PLAGL1: variants seen among roughly 807,000 people sequenced by gnomAD.
PLAGL1 encodes the protein PLAG1 like zinc finger 1.
Under a neutral mutation model 4.6 loss-of-function variants are expected in PLAGL1, and 1 was observed. That is an observed-to-expected ratio of 0.22 (90% CI 0.08 to 1.03). The LOEUF (loss-of-function observed/expected upper bound fraction) is 1.03, where lower values mean the gene tolerates loss of function less well. PLAGL1 is among the 50% of genes least tolerant of loss of function. The probability of loss-of-function intolerance (pLI) is 0.58; values close to 1 mark genes in which losing one functional copy is unlikely to be tolerated. For missense variants in PLAGL1, 464 were observed against 570.4 expected, an observed-to-expected ratio of 0.81 and a Z score of 1.90; for synonymous variants, 240 against 237.8, an observed-to-expected ratio of 1.01 and a Z score of -0.08.
rs1277123998 is a variant in PLAGL1 at position 143,986,055 on chromosome 6, C to T, written c.-583-881G>A. On this transcript the variant is annotated intron_variant, in intron 1 of 7. Transcript: ENST00000674357. Reference sequence around the variant, plus strand: ...AACCTTTGATGTATGCACATTGACCCTGTTTGGCCCAGGAGAAAATTGAGG... The same window carrying T: ...AACCTTTGATGTATGCACATTGACCTTGTTTGGCCCAGGAGAAAATTGAGG... 3.5e-5 allele frequency among the ~76,000 whole-genome samples: 5 copies of T among 144,516 alleles called. No homozygotes were observed. In the East Asian group the frequency reaches 8.4e-4, roughly 24 times the overall value. The allele number at this position is 144,516 out of a possible 152,430, so 94.8% of individuals were successfully genotyped here. A position where few individuals can be genotyped will look rare whatever the true frequency, so the allele number is the denominator to read the frequency against.
At chr6:144,035,528 G>A (rs2010247) in intron 1 of PLAGL1, among the ~76,000 whole-genome samples, 2,379 of 152,324 alleles carry the variant, frequency 0.016, 60 homozygotes, top group African/African-American at 0.054. Flanking sequence ...CAACCAGACT[G>A]AGGGTGGGTC....
Position 143,948,121 on chromosome 6 carries a change from A to C in PLAGL1, c.16T>G (p.Cys6Gly), listed in dbSNP as rs1292664403. The C allele has an allele frequency of 6.2e-7, 1 of 1,613,702 alleles. No homozygotes were observed. The highest frequency in any genetic ancestry group is 1.1e-5 in the South Asian group (1 of 91,054). The change falls in exon 7 of 8, where the codon TGC becomes GGC. Residue 6 changes from cysteine (C) to glycine (G), a missense_variant. By Grantham distance (159) the Cys-to-Gly change is radical. Around this residue, in one of 4 missense-constraint regions of PLAGL1, gnomAD observed 161 missense variants for 196.7 expected, o/e 0.82. Coordinates refer to ENST00000674357, the MANE Select transcript of PLAGL1 (RefSeq NM_001317162.2). This position sits in a 1 kb window ranked among gnomAD's most constrained non-coding sequence, Gnocchi z 6.0. MATFP[C>G]QLCGKTFLTL... ...AGGAACGTCTTGCCACATAACTGGC[A>C]GGGGAACGTGGCCATGGGCTTTGCT...
rs1361781180 is a variant in PLAGL1 at position 144,063,447 on chromosome 6, G to A, written c.-151+1021C>T. On this transcript the variant is annotated intron_variant, in intron 1 of 3. Coordinates refer to the PLAGL1 transcript ENST00000437412. The surrounding 1 kb of genome is among the most constrained non-coding windows in gnomAD (Gnocchi z 5.7). The stretch of plus-strand genomic sequence containing the variant: ...TCCCCTCACGTGATTCAGGACATCT[G>A]GGGTGGGCCCAATAGGTGTGTTCTG... Among the ~76,000 whole-genome samples, 1 of 152,190 alleles carries A rather than the reference G, an allele frequency of 6.6e-6. No individual in the cohort carries two copies. Among genetic ancestry groups the A allele is most frequent in the Non-Finnish European group, 1.5e-5 (1 of 68,030 alleles).
Position 144,008,061 on chromosome 6 carries a change from G to C in PLAGL1, c.-584+29C>G, listed in dbSNP as rs1439553886. ...GGCCACCGCTGCCCCCAGCCCGCCC[G>C]CCGCAGCCGCGAGCACCCAAACACC... On this transcript the variant is annotated intron_variant, in intron 1 of 7. Coordinates refer to ENST00000674357, the MANE Select transcript of PLAGL1 (RefSeq NM_001317162.2). The surrounding 1 kb of genome is among the most constrained non-coding windows in gnomAD (Gnocchi z 6.9). The C allele has an allele frequency of 1.3e-5, 2 of 151,820 alleles. No individual in the cohort carries two copies. The highest frequency in any genetic ancestry group is 2.9e-5 in the Non-Finnish European group (2 of 67,970). 9.4% of individuals were successfully genotyped at this position (151,820 alleles called of 1,614,324 possible). A position where few individuals can be genotyped will look rare whatever the true frequency, so the allele number is the denominator to read the frequency against.
intron 1 of PLAGL1, among the ~76,000 whole-genome samples, chr6:144,046,898 C>A (rs1197265887): frequency 2.6e-5 from 4 of 152,178 alleles, no homozygotes; most frequent in Non-Finnish European, 5.9e-5. Flanking sequence ...CAAGCCTCAG[C>A]AATAGCGGAC....
rs893771725 is a variant in PLAGL1, at chr6:144,059,842, G to C, written c.-151+4626C>G. On this transcript the variant is annotated intron_variant, in intron 1 of 3. Coordinates refer to the PLAGL1 transcript ENST00000437412. The surrounding 1 kb of genome is among the most constrained non-coding windows in gnomAD (Gnocchi z 4.9). ...GGCCTTTTTGAGAGATCAGCCTTGA[G>C]GTCCATTTTGGGAGATAACCTCAAG... Among the ~76,000 whole-genome samples the C allele has an allele frequency of 1.3e-4, 20 of 152,192 alleles. No homozygotes were observed. The highest frequency in any genetic ancestry group is 1.3e-3 in the Admixed American group (20 of 15,300).
intron 2 of PLAGL1, among the ~76,000 whole-genome samples, chr6:143,974,999 T>A (rs1410816035): frequency 6.6e-6 from 1 of 152,236 alleles, no homozygotes; most frequent in Admixed American, 6.5e-5. Flanking sequence ...ACATTATCCA[T>A]TGGATCTCTG....
intron 1 of PLAGL1, among the ~76,000 whole-genome samples, chr6:144,038,172 C>T (rs1387278057): frequency 1.3e-5 from 2 of 152,158 alleles, no homozygotes; most frequent in Non-Finnish European, 2.9e-5. Flanking sequence ...TCTTAATAAA[C>T]TCCAAAGCAC....
intron 7 of PLAGL1, among the ~76,000 whole-genome samples, chr6:143,944,911 G>C (rs1388863019): frequency 6.6e-6 from 1 of 151,072 alleles, no homozygotes; most frequent in African/African-American, 2.4e-5. Context: ...ATCACCCATG[G>C]GTAGATCAAT....
At chr6:144,045,000 C>CTTTTTTTTTTTTTTTTTTTT (rs138373370) in intron 1 of PLAGL1, among the ~76,000 whole-genome samples, 2 of 47,322 alleles carry the variant, frequency 4.2e-5, no homozygotes, top group Non-Finnish European at 3.9e-5. Context: ...GCAACCCCTG[C>CTTTTTTTTTTTTTTTTTTTT]TTTTTTTTTT....
chr6:143,980,618 T>A (rs2128605324), intron 2 of PLAGL1, among the ~76,000 whole-genome samples: 1 of 152,312 alleles, frequency 6.6e-6, no homozygotes, highest in Admixed American at 6.5e-5. Flanking sequence ...ACTATTTGAA[T>A]ATCCTTATTA....
In PLAGL1 at chr6:144,061,719, GATTCACTT is replaced by G. The variant is rs1184379936; in HGVS notation, c.-151+2741_-151+2748del. ...GAGGAAGAAGTTGGCAGCCAGATTT[GATTCACTT>G]ATTCCTTTTCTACTCCCCACCTCCC... is the stretch of plus-strand genomic sequence containing the variant. On this transcript the variant is annotated intron_variant, in intron 1 of 3. Transcript: ENST00000437412. This position sits in a 1 kb window ranked among gnomAD's most constrained non-coding sequence, Gnocchi z 4.4. Among the ~76,000 whole-genome samples, 1 of 152,130 alleles carries G rather than the reference GATTCACTT, an allele frequency of 6.6e-6. No homozygotes were observed. The highest frequency in any genetic ancestry group is 1.5e-5 in the Non-Finnish European group (1 of 68,016).
At position 144,016,785 on chromosome 6, in the gene PLAGL1, T is replaced by C. The variant is rs1182051762; in HGVS notation, c.-151+47683A>G. ...CTTCAGTAAGTGTCATTAAATTATT[T>C]CCTTTCTTATTTGGATAGGATGAGG... On this transcript the variant is annotated intron_variant, in intron 1 of 3. Coordinates refer to the PLAGL1 transcript ENST00000437412. This position sits in a 1 kb window ranked among gnomAD's most constrained non-coding sequence, Gnocchi z 4.2. Among the ~76,000 whole-genome samples, 2 of 152,244 alleles carry C rather than the reference T, an allele frequency of 1.3e-5. No individual in the cohort carries two copies. The highest frequency in any genetic ancestry group is 3.8e-4 in the East Asian group (2 of 5,200).
Position 144,039,530 on chromosome 6 carries a change from G to C in PLAGL1, c.-151+24938C>G, listed in dbSNP as rs1157139817. Among the ~76,000 whole-genome samples the C allele has an allele frequency of 6.6e-6, 1 of 152,194 alleles. No homozygotes were observed. Among genetic ancestry groups the C allele is most frequent in the African/African-American group, 2.4e-5 (1 of 41,446 alleles). ...GAACCTGGGAGGTGGAGGTTGCAGT[G>C]AGCCAAGATTGTGCCACTTCACTTC... On this transcript the variant is annotated intron_variant, in intron 1 of 3. Coordinates refer to the PLAGL1 transcript ENST00000437412. This position sits in a 1 kb window ranked among gnomAD's most constrained non-coding sequence, Gnocchi z 4.1.
rs11756507 is a variant in PLAGL1, at chr6:143,972,145, A to G, written c.-543-3167T>C. The stretch of plus-strand genomic sequence containing the variant: ...GCAGTTGAAACTGTGATAAGTAATT[A>G]CTTTCAAAGGAATGTAGACAGAGCC... On this transcript the variant is annotated intron_variant, in intron 2 of 7. Transcript: ENST00000674357. This position sits in a 1 kb window ranked among gnomAD's most constrained non-coding sequence, Gnocchi z 6.8. 8.6e-3 allele frequency among the ~76,000 whole-genome samples: 1,317 copies of G among 152,356 alleles called. 59 individuals carry two copies. The East Asian group carries it at 0.13, about 15-fold the overall frequency.
chr6:143,988,365 C>T (rs1336440215), intron 1 of PLAGL1, among the ~76,000 whole-genome samples: 2 of 152,194 alleles, frequency 1.3e-5, no homozygotes, highest in African/African-American at 2.4e-5. Context: ...TAGCCATGCA[C>T]GAACATCCCA....
Position 144,049,778 on chromosome 6 carries a change from T to C in PLAGL1, c.-151+14690A>G, listed in dbSNP as rs573843248. ...AAGCCTAATTATGTCACTCTATTAC[T>C]AGTCCCATTTTTCAAATAAAAAACT... On this transcript the variant is annotated intron_variant, in intron 1 of 3. Transcript: ENST00000437412. 1.6e-3 allele frequency among the ~76,000 whole-genome samples: 244 copies of C among 152,352 alleles called. 3 individuals carry two copies. Among genetic ancestry groups the C allele is most frequent in the African/African-American group, 5.8e-3 (242 of 41,576 alleles).
Position 144,006,819 on chromosome 6 carries a change from A to T in PLAGL1, c.-584+1271T>A, listed in dbSNP as rs1794303276. 3.9e-5 allele frequency: 6 copies of T among 152,152 alleles called. No homozygotes were observed. The highest frequency in any genetic ancestry group is 3.9e-4 in the Admixed American group (6 of 15,278). 9.4% of individuals were successfully genotyped at this position (152,152 alleles called of 1,614,324 possible). A position where few individuals can be genotyped will look rare whatever the true frequency, so the allele number is the denominator to read the frequency against. On this transcript the variant is annotated intron_variant, in intron 1 of 7. Transcript: ENST00000674357. This position sits in a 1 kb window ranked among gnomAD's most constrained non-coding sequence, Gnocchi z 4.3. ...TTTCAAACTTTTTTGTCCATGACTC[A>T]TACTAAGGAATGACGTTTTACATCA...
chr6:144,004,586 G>T lies in PLAGL1; in HGVS notation c.-584+3504C>A, dbSNP rs893622140. ...GGGACAGTAGTTGACTGGGGGAAGC[G>T]AGTGGCTCCATTGATAGGAAGGGGC... On this transcript the variant is annotated intron_variant, in intron 1 of 7. Coordinates refer to ENST00000674357, the MANE Select transcript of PLAGL1 (RefSeq NM_001317162.2). This position sits in a 1 kb window ranked among gnomAD's most constrained non-coding sequence, Gnocchi z 4.2. Among the ~76,000 whole-genome samples the T allele has an allele frequency of 1.3e-5, 2 of 152,144 alleles. No homozygotes were observed. The highest frequency in any genetic ancestry group is 4.8e-5 in the African/African-American group (2 of 41,428).
Sources: allele counts gnomAD v4.1 joint callset (sites outside exome capture counted in the v4.1 genomes callset), GRCh38; gene constraint gnomAD v4.1.1; regional missense constraint gnomAD v4.1.1; non-coding constraint Gnocchi (gnomAD v3.1); transcripts MANE v1.5; gene names NCBI Gene and HGNC (gene_info 2026-07-23, HGNC 2026-07-21).